The following NBEA variants were observed in gnomAD, a reference collection of about 807,000 sequenced individuals.
The protein encoded by NBEA is lysosomal-trafficking regulator 2.
A neutral mutation model predicts 343.4 loss-of-function variants in NBEA; 44 were observed. That is an observed-to-expected ratio of 0.13 (90% CI 0.10 to 0.16). NBEA has a LOEUF of 0.16. NBEA is among the 10% of genes least tolerant of loss of function. NBEA has a pLI of 1.00. For synonymous variants in NBEA, 1,175 were observed against 1,238.7 expected, an observed-to-expected ratio of 0.95 and a Z score of 1.08; for missense variants, 2,555 against 3,631.3, an observed-to-expected ratio of 0.70 and a Z score of 7.62.
At position 35,654,576 on chromosome 13, in the gene NBEA, A is replaced by C. The variant is rs528532277; in HGVS notation, c.8036-279A>C. ...AGAATTAAATGCATTAAAATATTGTATTATGTTTTAAATTAATTGTCTTGA... is the reference window on the plus strand; with the variant it reads ...AGAATTAAATGCATTAAAATATTGTCTTATGTTTTAAATTAATTGTCTTGA... On this transcript the variant is annotated intron_variant, in intron 53 of 58. Coordinates refer to ENST00000379939, the MANE Select transcript of NBEA (RefSeq NM_001385012.1). Among the ~76,000 whole-genome samples the C allele has an allele frequency of 5.3e-4, 80 of 152,352 alleles. 1 individual carries two copies. Among genetic ancestry groups the C allele is most frequent in the Admixed American group, 2.9e-3 (45 of 15,306 alleles).
At chr13:35,125,306 A>G (rs2067060787) in intron 17 of NBEA, among the ~76,000 whole-genome samples, 1 of 152,206 alleles carries the variant, frequency 6.6e-6, no homozygotes, top group Admixed American at 6.5e-5. Context: ...AAATGCAAAG[A>G]GAATGGTGAG....
rs939827270 is a variant in NBEA at position 35,647,781 on chromosome 13, A to G, written c.7770+1433A>G. On this transcript the variant is annotated intron_variant, in intron 51 of 58. Transcript: ENST00000379939. ...GGGGTTTCACCATGTTGGTCAGGCT[A>G]GTCTCAAACTCCTGACCTCGTGATC... is the stretch of plus-strand genomic sequence containing the variant. Among the ~76,000 whole-genome samples the G allele has an allele frequency of 3.6e-4, 55 of 152,136 alleles. 1 individual carries two copies. The Middle Eastern group carries it at 0.01, about 28-fold the overall frequency.
At chr13:35,527,136 A>T (rs527990216) in intron 41 of NBEA, among the ~76,000 whole-genome samples, 3 of 152,258 alleles carry the variant, frequency 2.0e-5, no homozygotes, top group African/African-American at 7.2e-5. Flanking sequence ...ACTAATGTCC[A>T]GCCCTTAGCA....
intron 34 of NBEA, among the ~76,000 whole-genome samples, chr13:35,287,444 T>C (rs2035502388): frequency 6.6e-6 from 1 of 152,038 alleles, no homozygotes; most frequent in African/African-American, 2.4e-5. Context: ...TTCAAAACCA[T>C]ATAATTTTCC....
intron 39 of NBEA, among the ~76,000 whole-genome samples, chr13:35,441,394 A>G (rs559253044): frequency 4.6e-5 from 7 of 152,304 alleles, no homozygotes; most frequent in African/African-American, 1.4e-4. Context: ...CTGGTTGTTA[A>G]TGCTGTGTAG....
intron 41 of NBEA, among the ~76,000 whole-genome samples, chr13:35,536,416 GT>G (rs201712339): frequency 2.7e-5 from 4 of 150,938 alleles, no homozygotes; most frequent in East Asian, 1.9e-4. Flanking sequence ...ATCTGCATTT[GT>G]TTTTTTTTAA....
intron 34 of NBEA, among the ~76,000 whole-genome samples, chr13:35,264,119 A>G (rs182649849): frequency 6.6e-6 from 1 of 152,018 alleles, no homozygotes; most frequent in Non-Finnish European, 1.5e-5. Flanking sequence ...ACAAGAGACT[A>G]TTATGAATAA....
chr13:35,663,546 G>A lies in NBEA; in HGVS notation c.8363-1539G>A, dbSNP rs190378415. On this transcript the variant is annotated intron_variant, in intron 55 of 58. Coordinates refer to ENST00000379939, the MANE Select transcript of NBEA (RefSeq NM_001385012.1). Reference sequence around the variant, plus strand: ...GGACACTTAGGTTGATTCTATATCTGAGCTATTGTGAATAGTGCTGCAGTC... The same window carrying A: ...GGACACTTAGGTTGATTCTATATCTAAGCTATTGTGAATAGTGCTGCAGTC... Among the ~76,000 whole-genome samples the A allele has an allele frequency of 7.1e-3, 1,086 of 152,064 alleles. 7 individuals are homozygous for A. Among genetic ancestry groups the A allele is most frequent in the Non-Finnish European group, 0.011 (764 of 67,980 alleles).
rs1432489111 is a variant in NBEA, at chr13:35,058,955, T to A, written c.1239+92T>A. 3 of 1,065,918 alleles carry A rather than the reference T, an allele frequency of 2.8e-6. No individual in the cohort carries two copies. The South Asian group carries it at 7.7e-5, about 28-fold the overall frequency. 66.0% of individuals were successfully genotyped at this position (1,065,918 alleles called of 1,614,324 possible). A position where few individuals can be genotyped will look rare whatever the true frequency, so the allele number is the denominator to read the frequency against. On this transcript the variant is annotated intron_variant, in intron 8 of 58. Transcript: ENST00000379939. The stretch of plus-strand genomic sequence containing the variant: ...TTTTTAGTGAAAATCTTTAATACGG[T>A]TTAAGAGTCATTTCTATTTTTTGGA...
intron 38 of NBEA, among the ~76,000 whole-genome samples, chr13:35,374,082 C>T (rs1283112650): frequency 1.3e-5 from 2 of 152,182 alleles, no homozygotes; most frequent in Non-Finnish European, 2.9e-5. Context: ...CAGCCTTTGA[C>T]ATGCCTTCCT....
chr13:35,265,593 G>A (rs529138252), intron 34 of NBEA, among the ~76,000 whole-genome samples: 1 of 151,896 alleles, frequency 6.6e-6, no homozygotes, highest in African/African-American at 2.4e-5. Context: ...TGACAACGGT[G>A]CCTAAAAACA....
At chr13:35,637,424 A>G (rs1212964162) in intron 49 of NBEA, among the ~76,000 whole-genome samples, 2 of 152,196 alleles carry the variant, frequency 1.3e-5, no homozygotes, top group Non-Finnish European at 2.9e-5. Flanking sequence ...AGAATTCCCT[A>G]TGACCCAGCA....
intron 47 of NBEA, among the ~76,000 whole-genome samples, chr13:35,605,015 G>A (rs1368708197): frequency 1.3e-5 from 2 of 152,152 alleles, no homozygotes; most frequent in East Asian, 1.9e-4. Flanking sequence ...GCCATGTCTT[G>A]TTCATTTTTT....
At chr13:35,245,146 A>C (rs2152781690) in intron 34 of NBEA, among the ~76,000 whole-genome samples, 1 of 152,178 alleles carries the variant, frequency 6.6e-6, no homozygotes, top group East Asian at 1.9e-4. Flanking sequence ...ATTTGCATGG[A>C]ATGTCCTTTT....
intron 25 of NBEA, 104 bp downstream of exon 25, chr13:35,169,099 C>A: frequency 1.2e-6 from 1 of 805,478 alleles, no homozygotes; most frequent in Non-Finnish European, 1.9e-6. Context: ...TTCATATCAT[C>A]TTTAACATGA....
chr13:35,125,824 G>GCATACATACATACATA (rs148274320), intron 17 of NBEA, among the ~76,000 whole-genome samples: 1 of 151,272 alleles, frequency 6.6e-6, no homozygotes, highest in African/African-American at 2.4e-5. Flanking sequence ...ATAAACAAAT[G>GCATACATACATACATA]CATACATACA....
intron 31 of NBEA, among the ~76,000 whole-genome samples, chr13:35,204,614 A>G (rs1371000887): frequency 6.6e-6 from 1 of 152,144 alleles, no homozygotes; most frequent in Non-Finnish European, 1.5e-5. Context: ...CAGCCAAACC[A>G]TATCAGTCAC....
At chr13:35,558,754 A>T (rs950011759) in intron 44 of NBEA, among the ~76,000 whole-genome samples, 11 of 152,204 alleles carry the variant, frequency 7.2e-5, no homozygotes, top group African/African-American at 2.4e-4. Context: ...GCACAATTGC[A>T]TTAGCCATTT....
intron 45 of NBEA, among the ~76,000 whole-genome samples, chr13:35,574,893 G>T (rs1322472082): frequency 6.6e-6 from 1 of 151,858 alleles, no homozygotes; most frequent in African/African-American, 2.4e-5. Flanking sequence ...GGGATTAAAG[G>T]CGTGCACCAC....
Sources: gnomAD v4.1 joint callset for allele counts (sites outside exome capture counted in the v4.1 genomes callset) on GRCh38, gnomAD v4.1.1 for gene constraint, MANE v1.5 for transcripts, NCBI Gene and HGNC (gene_info 2026-07-23, HGNC 2026-07-21) for gene names.